Variants in EPHB1 observed in about 807,000 individuals in gnomAD.
EPHB1 encodes ephrin type-B receptor 1.
A neutral mutation model predicts 94.4 loss-of-function variants in EPHB1; 30 were observed. That is an observed-to-expected ratio of 0.32 (90% CI 0.24 to 0.43). The LOEUF (loss-of-function observed/expected upper bound fraction) is 0.43. EPHB1 is among the 20% of genes least tolerant of loss of function. The pLI, the probability that EPHB1 is intolerant of heterozygous loss-of-function variation, is 1.00. For synonymous variants in EPHB1, 522 were observed against 489.1 expected (o/e 1.07, Z -0.89); for missense variants, 1,055 against 1,308.3 (o/e 0.81, Z 2.99).
At chr3:134,809,206 G>A (rs2036121452) in intron 1 of EPHB1, among the ~76,000 whole-genome samples, 1 of 152,114 alleles carries the variant, frequency 6.6e-6, no homozygotes, top group African/African-American at 2.4e-5. Flanking sequence ...AAAGTCATTT[G>A]CAGACTACTT....
At chr3:135,215,995 G>C (rs1030731303) in intron 12 of EPHB1, among the ~76,000 whole-genome samples, 2 of 152,188 alleles carry the variant, frequency 1.3e-5, no homozygotes, top group Admixed American at 1.3e-4. Flanking sequence ...TCCCCATCCT[G>C]TCAGGCTGGA....
At chr3:134,931,162 A>G (rs1243393592) in intron 2 of EPHB1, among the ~76,000 whole-genome samples, 4 of 152,242 alleles carry the variant, frequency 2.6e-5, no homozygotes, top group Non-Finnish European at 4.4e-5. Context: ...GGTTGTCAAT[A>G]TCTTTTTAAA....
intron 4 of EPHB1, among the ~76,000 whole-genome samples, chr3:135,125,386 A>AC (rs1940157640): frequency 6.6e-6 from 1 of 151,800 alleles, no homozygotes; most frequent in Non-Finnish European, 1.5e-5. Flanking sequence ...GGCTTATGCC[A>AC]CTCTCCAAGG....
intron 12 of EPHB1, among the ~76,000 whole-genome samples, chr3:135,219,118 A>C (rs1943220777): frequency 6.6e-6 from 1 of 152,172 alleles, no homozygotes; most frequent in African/African-American, 2.4e-5. Flanking sequence ...CGTAAGCCTC[A>C]TCAGAACAGA....
intron 11 of EPHB1, among the ~76,000 whole-genome samples, chr3:135,194,561 G>A (rs547375623): frequency 5.1e-4 from 78 of 152,312 alleles, no homozygotes; most frequent in Admixed American, 1.8e-3. Flanking sequence ...GCTGCTGCAT[G>A]GTAGCTCCAG....
At chr3:134,869,698 T>C (rs1376357621) in intron 1 of EPHB1, among the ~76,000 whole-genome samples, 1 of 152,132 alleles carries the variant, frequency 6.6e-6, no homozygotes, top group Non-Finnish European at 1.5e-5. Context: ...AATGACATTT[T>C]GTTTCTGATC....
At chr3:135,019,092 C>T (rs374171300) in intron 3 of EPHB1, among the ~76,000 whole-genome samples, 8 of 152,140 alleles carry the variant, frequency 5.3e-5, no homozygotes, top group Admixed American at 2.6e-4. Flanking sequence ...GGGAGCTCTG[C>T]GTGCCCCACT....
intron 15 of EPHB1, among the ~76,000 whole-genome samples, chr3:135,252,049 T>C (rs1332832428): frequency 6.6e-6 from 1 of 152,044 alleles, no homozygotes. Flanking sequence ...TAAATAATAA[T>C]GCCCATCTCA....
chr3:134,911,787 C>T (rs139470240), intron 1 of EPHB1, among the ~76,000 whole-genome samples: 2 of 152,228 alleles, frequency 1.3e-5, no homozygotes, highest in South Asian at 2.1e-4. Context: ...GGGATGTGTC[C>T]AGGAGAACTT....
At chr3:135,020,228 A>C (rs2107753883) in intron 3 of EPHB1, among the ~76,000 whole-genome samples, 1 of 152,230 alleles carries the variant, frequency 6.6e-6, no homozygotes, top group African/African-American at 2.4e-5. Context: ...CCCGTTGGTT[A>C]TTTGCCATTA....
chr3:135,233,108 C>T (rs1943570360), intron 12 of EPHB1, among the ~76,000 whole-genome samples: 2 of 152,214 alleles, frequency 1.3e-5, no homozygotes, highest in African/African-American at 4.8e-5. Context: ...CATAGTCATG[C>T]CATTCCGGCA....
At chr3:134,873,023 C>T (rs1441874631) in intron 1 of EPHB1, among the ~76,000 whole-genome samples, 2 of 152,218 alleles carry the variant, frequency 1.3e-5, no homozygotes, top group Non-Finnish European at 2.9e-5. Flanking sequence ...ACAATTCACA[C>T]AGTGACATTT....
At chr3:135,194,322 A>G (rs1942538254) in intron 11 of EPHB1, among the ~76,000 whole-genome samples, 1 of 152,194 alleles carries the variant, frequency 6.6e-6, no homozygotes, top group African/African-American at 2.4e-5. Context: ...TCATTTGCCT[A>G]TCTTATACTT....
At chr3:135,060,148 G>T (rs556077941) in intron 3 of EPHB1, among the ~76,000 whole-genome samples, 1 of 152,152 alleles carries the variant, frequency 6.6e-6, no homozygotes, top group Non-Finnish European at 1.5e-5. Flanking sequence ...CTTCAACCCC[G>T]AAAGAAAGCC....
At chr3:134,948,286 T>G (rs1470387023) in intron 2 of EPHB1, among the ~76,000 whole-genome samples, 1 of 115,064 alleles carries the variant, frequency 8.7e-6, no homozygotes, top group Admixed American at 8.8e-5. Context: ...CCAACTGGAA[T>G]AATGGATCAT....
intron 1 of EPHB1, among the ~76,000 whole-genome samples, chr3:134,829,960 C>T (rs1437704238): frequency 1.3e-5 from 2 of 152,278 alleles, no homozygotes; most frequent in African/African-American, 2.4e-5. Context: ...CCTCACAGCC[C>T]TCAGAAAGAA....
At chr3:135,024,399 G>C (rs1936076178) in intron 3 of EPHB1, among the ~76,000 whole-genome samples, 1 of 152,168 alleles carries the variant, frequency 6.6e-6, no homozygotes. Context: ...TACTTCTTCT[G>C]TTTTAATCCC....
At chr3:134,946,148 C>T (rs2039212388) in intron 2 of EPHB1, among the ~76,000 whole-genome samples, 1 of 152,210 alleles carries the variant, frequency 6.6e-6, no homozygotes, top group Non-Finnish European at 1.5e-5. Context: ...CCTACCATCT[C>T]TTGCCTGGGC....
intron 3 of EPHB1, among the ~76,000 whole-genome samples, chr3:135,062,656 T>C (rs1477422719): frequency 6.6e-6 from 1 of 152,220 alleles, no homozygotes; most frequent in African/African-American, 2.4e-5. Flanking sequence ...CTCTGCTGAC[T>C]GTTTCTTTTG....
Sources: gnomAD v4.1 joint callset for allele counts (sites outside exome capture counted in the v4.1 genomes callset) on GRCh38, gnomAD v4.1.1 for gene constraint, MANE v1.5 for transcripts, NCBI Gene and HGNC (gene_info 2026-07-23, HGNC 2026-07-21) for gene names.